CNTNAP5: variants seen among roughly 807,000 people sequenced by gnomAD.
CNTNAP5 encodes contactin associated protein family member 5, also known as contactin-associated protein-like 5.
CNTNAP5 carries 72 observed loss-of-function variants against 150.2 expected under a neutral mutation model. That is an observed-to-expected ratio of 0.48 (90% CI 0.40 to 0.58). The LOEUF is 0.58. Among genes scored for constraint, CNTNAP5 ranks in the 20% least tolerant of loss-of-function variants. The pLI is 0.00. For synonymous variants in CNTNAP5, 672 were observed against 619.8 expected, an observed-to-expected ratio of 1.08 and a Z score of -1.25; for missense variants, 1,636 against 1,626.2, an observed-to-expected ratio of 1.01 and a Z score of -0.10.
intron 13 of CNTNAP5, among the ~76,000 whole-genome samples, chr2:124,720,077 ACT>A (rs1377292676): frequency 6.6e-6 from 1 of 152,068 alleles, no homozygotes; most frequent in African/African-American, 2.4e-5. Flanking sequence ...CAGAAGCGAG[ACT>A]CTGAGCTCCA....
chr2:124,799,238 A>G (rs922345284), intron 19 of CNTNAP5, among the ~76,000 whole-genome samples: 19 of 152,112 alleles, frequency 1.2e-4, no homozygotes, highest in African/African-American at 4.6e-4. Flanking sequence ...TAATACGAGA[A>G]GTTGAGAGTG....
intron 1 of CNTNAP5, among the ~76,000 whole-genome samples, chr2:124,152,163 C>G (rs917761775): frequency 1.3e-5 from 2 of 152,102 alleles, no homozygotes; most frequent in African/African-American, 2.4e-5. Flanking sequence ...TAAGCCAGCG[C>G]ACATACAGGA....
intron 10 of CNTNAP5, among the ~76,000 whole-genome samples, chr2:124,540,671 T>G (rs972023369): frequency 7.4e-6 from 1 of 134,290 alleles, no homozygotes; most frequent in Non-Finnish European, 1.6e-5. Flanking sequence ...TTTTTTAGTA[T>G]TATGAATCAT....
chr2:124,848,256 T>A (rs1475008824), intron 19 of CNTNAP5, among the ~76,000 whole-genome samples: 1 of 152,190 alleles, frequency 6.6e-6, no homozygotes, highest in Admixed American at 6.5e-5. Context: ...ATTCCACATA[T>A]AAGTAAGAAC....
chr2:124,352,024 C>G (rs923692431), intron 3 of CNTNAP5, among the ~76,000 whole-genome samples: 1 of 152,042 alleles, frequency 6.6e-6, no homozygotes, highest in Non-Finnish European at 1.5e-5. Flanking sequence ...TAGGTGACAG[C>G]TGAGCTATAA....
intron 3 of CNTNAP5, among the ~76,000 whole-genome samples, chr2:124,387,123 C>T (rs1055245252): frequency 3.9e-5 from 6 of 152,160 alleles, no homozygotes; most frequent in Non-Finnish European, 7.3e-5. Flanking sequence ...GTTTAAGCAA[C>T]CTAATTTATG....
intron 19 of CNTNAP5, among the ~76,000 whole-genome samples, chr2:124,804,944 G>A (rs1682050357): frequency 6.6e-6 from 1 of 152,148 alleles, no homozygotes; most frequent in Admixed American, 6.5e-5. Flanking sequence ...GGTTATCAGA[G>A]CATGAATGTG....
At chr2:124,385,268 G>A (rs58453034) in intron 3 of CNTNAP5, among the ~76,000 whole-genome samples, 6,088 of 152,188 alleles carry the variant, frequency 0.04, 420 homozygotes, top group African/African-American at 0.14. Context: ...GAGAGAAAAC[G>A]TATCATTATT....
chr2:124,419,152 A>AAAAAAAAAAAAAAAAAAAAAAC (rs772412223), intron 4 of CNTNAP5, among the ~76,000 whole-genome samples: 27 of 120,996 alleles, frequency 2.2e-4, no homozygotes, highest in Non-Finnish European at 3.5e-4. Context: ...AAAAAAAAAA[A>AAAAAAAAAAAAAAAAAAAAAAC]AAAAAAAAAA....
chr2:124,087,823 G>A (rs530874019), intron 1 of CNTNAP5, among the ~76,000 whole-genome samples: 1 of 123,288 alleles, frequency 8.1e-6, no homozygotes, highest in Non-Finnish European at 1.9e-5. Context: ...CACTTGATTT[G>A]TTTTGTTTTG....
intron 12 of CNTNAP5, among the ~76,000 whole-genome samples, chr2:124,625,427 C>CATAGTATACTTACTGCAGTATACATAGT (rs1677700245): frequency 6.6e-6 from 1 of 152,024 alleles, no homozygotes; most frequent in African/African-American, 2.4e-5. Flanking sequence ...GTAGGTATAG[C>CATAGTATACTTACTGCAGTATACATAGT]ATAGTATACT....
At chr2:124,676,770 G>A (rs560639954) in intron 13 of CNTNAP5, among the ~76,000 whole-genome samples, 13 of 152,308 alleles carry the variant, frequency 8.5e-5, no homozygotes, top group African/African-American at 3.1e-4. Flanking sequence ...ACCATAATAA[G>A]CCTTGCCATT....
chr2:124,224,093 A>G (rs538042919), intron 2 of CNTNAP5, among the ~76,000 whole-genome samples: 13 of 151,792 alleles, frequency 8.6e-5, no homozygotes, highest in Admixed American at 1.3e-4. Flanking sequence ...CATTTTTCCT[A>G]TGTTCTGAAT....
At chr2:124,180,303 T>C (rs1159648966) in intron 1 of CNTNAP5, among the ~76,000 whole-genome samples, 2 of 152,160 alleles carry the variant, frequency 1.3e-5, no homozygotes, top group African/African-American at 4.8e-5. Context: ...TCCTGCTTGT[T>C]TTCTGGAAGC....
intron 1 of CNTNAP5, among the ~76,000 whole-genome samples, chr2:124,165,677 G>A (rs1475108212): frequency 6.6e-6 from 1 of 152,130 alleles, no homozygotes; most frequent in Non-Finnish European, 1.5e-5. Context: ...TCAGGCTGAA[G>A]AATGCCTGCA....
intron 3 of CNTNAP5, among the ~76,000 whole-genome samples, chr2:124,354,847 A>G (rs1024214023): frequency 6.6e-6 from 1 of 151,984 alleles, no homozygotes; most frequent in South Asian, 2.1e-4. Context: ...GATTTTTTAT[A>G]TGTAGAGTTT....
At chr2:124,799,478 C>T (rs1306213754) in intron 19 of CNTNAP5, among the ~76,000 whole-genome samples, 1 of 152,134 alleles carries the variant, frequency 6.6e-6, no homozygotes, top group Non-Finnish European at 1.5e-5. Context: ...AACTTTCTTC[C>T]CTTTGTCATC....
intron 12 of CNTNAP5, among the ~76,000 whole-genome samples, chr2:124,637,880 G>T (rs1324031691): frequency 6.6e-6 from 1 of 151,440 alleles, no homozygotes; most frequent in African/African-American, 2.4e-5. Flanking sequence ...TTGTGTTCTT[G>T]CATGGAAAGA....
At chr2:124,470,392 T>C (rs1693480459) in intron 6 of CNTNAP5, among the ~76,000 whole-genome samples, 1 of 152,132 alleles carries the variant, frequency 6.6e-6, no homozygotes, top group African/African-American at 2.4e-5. Context: ...CCTGTTCATG[T>C]CTTTTGCCCC....
Sources: allele counts gnomAD v4.1 joint callset (sites outside exome capture counted in the v4.1 genomes callset), GRCh38; gene constraint gnomAD v4.1.1; transcripts MANE v1.5; gene names NCBI Gene and HGNC (gene_info 2026-07-23, HGNC 2026-07-21).